GALNT17: variants seen among roughly 807,000 people sequenced by gnomAD.
The protein encoded by GALNT17 is UDP-GalNAc:polypeptide N-acetylgalactosaminyltransferase-like 3.
In GALNT17, 29 loss-of-function variants were observed where a neutral mutation model predicts 63.7. The ratio of observed to expected loss-of-function variants is 0.46; its 90% confidence interval spans 0.34 to 0.62. The LOEUF is 0.62. Among genes scored for constraint, GALNT17 ranks in the 20% least tolerant of loss-of-function variants. GALNT17 has a pLI of 0.01. For missense variants in GALNT17, 603 were observed against 799.6 expected, an observed-to-expected ratio of 0.75 and a Z score of 2.97; for synonymous variants, 305 against 318.3, an observed-to-expected ratio of 0.96 and a Z score of 0.45.
intron 5 of GALNT17, among the ~76,000 whole-genome samples, chr7:71,534,661 T>A (rs1479480583): frequency 3.3e-5 from 5 of 150,882 alleles, no homozygotes; most frequent in Admixed American, 6.6e-5. Context: ...AAGAACAGCA[T>A]GGAGGTAACT....
rs1787694232 is a variant in GALNT17 at position 71,132,312 on chromosome 7, C to G, written c.-491C>G. 1 of 151,890 alleles carries G rather than the reference C, an allele frequency of 6.6e-6. No individual in the cohort carries two copies. Among genetic ancestry groups the G allele is most frequent in the African/African-American group, 2.4e-5 (1 of 41,406 alleles). 9.4% of individuals were successfully genotyped at this position (151,890 alleles called of 1,614,324 possible). ...GCGCGCCGCGACGGCCGCCTGCGGG[C>G]CAAGGTGGGAGGCTGTGCGGCCCCA... On this transcript the variant is annotated 5_prime_UTR_variant, in exon 1 of 11. Coordinates refer to ENST00000333538, the MANE Select transcript of GALNT17 (RefSeq NM_022479.3).
At chr7:71,385,276 CT>C (rs1792920461) in intron 2 of GALNT17, among the ~76,000 whole-genome samples, 1 of 152,120 alleles carries the variant, frequency 6.6e-6, no homozygotes, top group Admixed American at 6.5e-5. Flanking sequence ...GGAGGCTGAG[CT>C]CAGGCCCAGT....
chr7:71,364,157 C>A (rs749594439), intron 2 of GALNT17, among the ~76,000 whole-genome samples: 1 of 152,128 alleles, frequency 6.6e-6, no homozygotes, highest in Non-Finnish European at 1.5e-5. Flanking sequence ...CTCACCTCCC[C>A]TCCCACTTTT....
intron 6 of GALNT17, among the ~76,000 whole-genome samples, chr7:71,584,774 A>C (rs774863122): frequency 2.6e-5 from 4 of 151,596 alleles, no homozygotes; most frequent in African/African-American, 9.7e-5. Context: ...TTATTTATTT[A>C]ATTTATTTAT....
At position 71,388,206 on chromosome 7, in the gene GALNT17, C is replaced by T. The variant is rs530463520; in HGVS notation, c.423-29C>T. On this transcript the variant is annotated intron_variant, in intron 2 of 10. Coordinates refer to ENST00000333538, the MANE Select transcript of GALNT17 (RefSeq NM_022479.3). ...GCCTGAGCTTTTATCCTTCCTCTGA[C>T]TCTGCATTTCCGATCTCTCCTTCCC... The T allele has an allele frequency of 4.4e-6, 7 of 1,606,256 alleles. No homozygotes were observed. The East Asian group carries it at 1.3e-4, about 31-fold the overall frequency.
chr7:71,491,040 C>A (rs1464698362), intron 5 of GALNT17, among the ~76,000 whole-genome samples: 1 of 151,702 alleles, frequency 6.6e-6, no homozygotes, highest in Non-Finnish European at 1.5e-5. Flanking sequence ...ACTAAAAATA[C>A]AAAATTAGCC....
chr7:71,298,515 G>A (rs2115862455), intron 1 of GALNT17, among the ~76,000 whole-genome samples: 1 of 152,252 alleles, frequency 6.6e-6, no homozygotes, highest in South Asian at 2.1e-4. Context: ...CTTACACTGT[G>A]GCATCTGCTC....
At chr7:71,222,146 A>T (rs1789597747) in intron 1 of GALNT17, among the ~76,000 whole-genome samples, 1 of 151,946 alleles carries the variant, frequency 6.6e-6, no homozygotes, top group African/African-American at 2.4e-5. Flanking sequence ...ACCTCAGGTG[A>T]TCAGCCAGCC....
intron 1 of GALNT17, among the ~76,000 whole-genome samples, chr7:71,270,256 C>A (rs1487908396): frequency 1.3e-5 from 2 of 152,034 alleles, no homozygotes; most frequent in Non-Finnish European, 2.9e-5. Flanking sequence ...TCACTCTCCC[C>A]CCTTGTATCT....
intron 3 of GALNT17, among the ~76,000 whole-genome samples, chr7:71,402,518 T>C (rs572136348): frequency 6.6e-6 from 1 of 152,344 alleles, no homozygotes; most frequent in African/African-American, 2.4e-5. Flanking sequence ...AATGCTACAG[T>C]TATTTTGGTT....
At chr7:71,299,774 T>A (rs1013950039) in intron 1 of GALNT17, among the ~76,000 whole-genome samples, 4 of 151,984 alleles carry the variant, frequency 2.6e-5, no homozygotes, top group Non-Finnish European at 5.9e-5. Context: ...TTACAATTTT[T>A]TTTTTAATTG....
intron 5 of GALNT17, among the ~76,000 whole-genome samples, chr7:71,436,439 G>T (rs1050090740): frequency 2.5e-4 from 38 of 152,252 alleles, no homozygotes; most frequent in South Asian, 2.1e-3. Flanking sequence ...ATCCATGTTG[G>T]CTGGGCACGG....
Position 71,548,710 on chromosome 7 carries a change from T to G in GALNT17, c.963-22575T>G, listed in dbSNP as rs1338227008. The stretch of plus-strand genomic sequence containing the variant: ...AGTCCATTAAACCTCTTTGTCTTTA[T>G]AAATTATTCAGTCTCAGGTATTTCT... On this transcript the variant is annotated intron_variant, in intron 5 of 10. Transcript: ENST00000333538. 2.0e-5 allele frequency among the ~76,000 whole-genome samples: 3 copies of G among 152,200 alleles called. No individual in the cohort carries two copies. In the East Asian group the frequency reaches 5.8e-4, roughly 29 times the overall value.
chr7:71,530,402 A>T (rs1788697836), intron 5 of GALNT17, among the ~76,000 whole-genome samples: 1 of 152,164 alleles, frequency 6.6e-6, no homozygotes, highest in South Asian at 2.1e-4. Flanking sequence ...ATGTTAGGAG[A>T]TAAGTACTCA....
At chr7:71,185,162 C>T (rs1788825020) in intron 1 of GALNT17, among the ~76,000 whole-genome samples, 1 of 136,606 alleles carries the variant, frequency 7.3e-6, no homozygotes, top group African/African-American at 2.7e-5. Context: ...CCCCTTCCTT[C>T]CTCTCTGTCC....
intron 6 of GALNT17, among the ~76,000 whole-genome samples, chr7:71,648,416 G>A (rs1790711428): frequency 6.6e-6 from 1 of 151,802 alleles, no homozygotes. Flanking sequence ...GACTACTTGT[G>A]CATGCCACCA....
At chr7:71,206,039 A>AAT (rs35048889) in intron 1 of GALNT17, among the ~76,000 whole-genome samples, 35,178 of 145,670 alleles carry the variant, frequency 0.24, 4,534 homozygotes, top group East Asian at 0.53. Flanking sequence ...CCAGCTAGAG[A>AAT]ATATATATAT....
chr7:71,162,084 C>A (rs1237443279), intron 1 of GALNT17, among the ~76,000 whole-genome samples: 6 of 110,102 alleles, frequency 5.4e-5, no homozygotes, highest in Non-Finnish European at 1.8e-5. Flanking sequence ...TTCCTTCTTT[C>A]CTTCCTCCCT....
chr7:71,249,992 A>G (rs1336424159), intron 1 of GALNT17, among the ~76,000 whole-genome samples: 1 of 152,264 alleles, frequency 6.6e-6, no homozygotes, highest in Non-Finnish European at 1.5e-5. Flanking sequence ...TTAAAAGCCT[A>G]GAAAATCTGT....
Sources: allele counts gnomAD v4.1 joint callset (sites outside exome capture counted in the v4.1 genomes callset), GRCh38; gene constraint gnomAD v4.1.1; transcripts MANE v1.5; gene names NCBI Gene and HGNC (gene_info 2026-07-23, HGNC 2026-07-21).